SEMA3C: variants seen among roughly 807,000 people sequenced by gnomAD.
SEMA3C encodes the protein semaphorin 3C.
SEMA3C carries 47 observed loss-of-function variants against 89.4 expected under a neutral mutation model. The observed-to-expected ratio is 0.53, with a 90% CI of 0.42 to 0.67. SEMA3C has a LOEUF of 0.67. Ranked by LOEUF, SEMA3C falls within the 30% of genes least tolerant of loss-of-function variation. SEMA3C has a pLI of 0.00. For missense variants in SEMA3C, 839 were observed against 929.1 expected (o/e 0.90, Z 1.26); for synonymous variants, 310 against 320.2 (o/e 0.97, Z 0.34).
intron 2 of SEMA3C, among the ~76,000 whole-genome samples, chr7:80,893,062 A>C (rs541382664): frequency 7.9e-5 from 12 of 152,312 alleles, no homozygotes; most frequent in African/African-American, 2.9e-4. Context: ...CAGATGACTA[A>C]AAGACGAAAG....
intron 11 of SEMA3C, chr7:80,796,703 A>G (rs974923493): frequency 5.9e-5 from 9 of 152,226 alleles, no homozygotes; most frequent in African/African-American, 1.9e-4. Context: ...TATAATTAAG[A>G]ATGACCTAAA....
chr7:80,753,122 A>G (rs1188002342), intron 15 of SEMA3C, among the ~76,000 whole-genome samples: 4 of 152,192 alleles, frequency 2.6e-5, no homozygotes, highest in Non-Finnish European at 5.9e-5. Context: ...AAAATTTTGT[A>G]CCACCTAAGT....
chr7:80,864,883 C>G (rs1177838328), intron 2 of SEMA3C, among the ~76,000 whole-genome samples: 1 of 152,176 alleles, frequency 6.6e-6, no homozygotes, highest in Non-Finnish European at 1.5e-5. Context: ...TCTGCCTTCT[C>G]CTGCAGAAGG....
intron 2 of SEMA3C, among the ~76,000 whole-genome samples, chr7:80,913,527 T>A (rs1193401686): frequency 6.6e-6 from 1 of 152,204 alleles, no homozygotes; most frequent in African/African-American, 2.4e-5. Flanking sequence ...CATATGCAAA[T>A]GTAAATTCAG....
chr7:80,776,803 G>T (rs1209072966), intron 12 of SEMA3C, among the ~76,000 whole-genome samples: 1 of 152,142 alleles, frequency 6.6e-6, no homozygotes, highest in Non-Finnish European at 1.5e-5. Flanking sequence ...CATGCATATT[G>T]TTCATTACCA....
At chr7:80,843,220 C>A (rs1203820259) in intron 2 of SEMA3C, among the ~76,000 whole-genome samples, 1 of 152,116 alleles carries the variant, frequency 6.6e-6, no homozygotes, top group African/African-American at 2.4e-5. Flanking sequence ...GTTTCCAACA[C>A]ATTCAAATGA....
intron 2 of SEMA3C, among the ~76,000 whole-genome samples, chr7:80,850,989 G>T (rs189073509): frequency 3.3e-5 from 5 of 152,170 alleles, no homozygotes; most frequent in Non-Finnish European, 7.4e-5. Flanking sequence ...TCTGTTTCTT[G>T]CTTCTTCCAG....
intron 5 of SEMA3C, among the ~76,000 whole-genome samples, chr7:80,815,346 AAC>A (rs1386832117): frequency 1.3e-5 from 2 of 152,092 alleles, no homozygotes; most frequent in African/African-American, 4.8e-5. Context: ...CCATTAATTA[AAC>A]AGTTTTAGTT....
chr7:80,919,303 G>A (rs1176403529), upstream of SEMA3C: 6 of 985,120 alleles, frequency 6.1e-6, no homozygotes, highest in African/African-American at 1.7e-5. Context: ...AAGAATGCGC[G>A]GCCGCAGGCT....
At chr7:80,790,909 G>A (rs1788923023) in intron 11 of SEMA3C, among the ~76,000 whole-genome samples, 1 of 152,152 alleles carries the variant, frequency 6.6e-6, no homozygotes, top group South Asian at 2.1e-4. Flanking sequence ...ACTTATAACA[G>A]AGCTGGTTAG....
intron 2 of SEMA3C, among the ~76,000 whole-genome samples, chr7:80,898,280 C>T (rs138685664): frequency 0.011 from 1,615 of 152,150 alleles, 24 homozygotes; most frequent in African/African-American, 0.036. Flanking sequence ...GCAGGAGAAT[C>T]GCTTGAACCC....
At chr7:80,899,145 A>G (rs1791813001) in intron 2 of SEMA3C, among the ~76,000 whole-genome samples, 1 of 152,106 alleles carries the variant, frequency 6.6e-6, no homozygotes, top group Non-Finnish European at 1.5e-5. Context: ...GGCTCAAGCA[A>G]TTCTCCTGCC....
At chr7:80,906,094 A>C (rs1228684227) in intron 2 of SEMA3C, among the ~76,000 whole-genome samples, 1 of 152,136 alleles carries the variant, frequency 6.6e-6, no homozygotes, top group African/African-American at 2.4e-5. Context: ...TCCATAATTC[A>C]CCAACAATCA....
chr7:80,776,887 A>C (rs1788561034), intron 12 of SEMA3C, among the ~76,000 whole-genome samples: 1 of 152,156 alleles, frequency 6.6e-6, no homozygotes, highest in Non-Finnish European at 1.5e-5. Flanking sequence ...GCTTATTTCT[A>C]GTGAACAGAA....
At chr7:80,848,859 G>T (rs79020377) in intron 2 of SEMA3C, among the ~76,000 whole-genome samples, 2 of 151,546 alleles carry the variant, frequency 1.3e-5, no homozygotes, top group Admixed American at 6.6e-5. Flanking sequence ...TTCAATTTAC[G>T]GTGGTTTTAT....
chr7:80,818,573 C>G (rs1789667770), intron 4 of SEMA3C, among the ~76,000 whole-genome samples, 155 bp from the exon 5 acceptor site: 1 of 151,926 alleles, frequency 6.6e-6, no homozygotes, highest in African/African-American at 2.4e-5. Context: ...TTTGGCTTCC[C>G]TAGGCCACAC....
At chr7:80,876,406 T>C (rs1205672934) in intron 2 of SEMA3C, among the ~76,000 whole-genome samples, 1 of 152,106 alleles carries the variant, frequency 6.6e-6, no homozygotes, top group Admixed American at 6.5e-5. Flanking sequence ...AAAAGCACAA[T>C]GATTAAGAAC....
chr7:80,808,305 C>CTATA (rs10677336), intron 6 of SEMA3C, among the ~76,000 whole-genome samples: 4 of 151,652 alleles, frequency 2.6e-5, no homozygotes, highest in Non-Finnish European at 4.4e-5. Context: ...CAAATGAAAA[C>CTATA]TATATATATA....
intron 2 of SEMA3C, among the ~76,000 whole-genome samples, chr7:80,898,824 C>T (rs1172894727): frequency 9.1e-6 from 1 of 109,558 alleles, no homozygotes; most frequent in African/African-American, 3.2e-5. Flanking sequence ...TTTGTTTGAC[C>T]AAAAAAAAAA....
Sources: allele counts gnomAD v4.1 joint callset (sites outside exome capture counted in the v4.1 genomes callset), GRCh38; gene constraint gnomAD v4.1.1; transcripts MANE v1.5; gene names NCBI Gene and HGNC (gene_info 2026-07-23, HGNC 2026-07-21).